F5: variants seen among roughly 807,000 people sequenced by gnomAD.
The protein encoded by F5 is coagulation factor V, also known as activated protein c cofactor.
Under a neutral mutation model 216.4 loss-of-function variants are expected in F5, and 138 were observed. The observed-to-expected ratio is 0.64, with a 90% CI of 0.56 to 0.73. F5 has a LOEUF of 0.73. Ranked by LOEUF, F5 falls within the 30% of genes least tolerant of loss-of-function variation. The pLI, the probability that F5 is intolerant of heterozygous loss-of-function variation, is 0.00. For missense variants in F5, 2,403 were observed against 2,674.0 expected (o/e 0.90, Z 2.24); for synonymous variants, 916 against 930.7 (o/e 0.98, Z 0.29).
Position 169,524,841 on chromosome 1 carries a change from A to G in F5, c.5784T>C (p.Phe1928=). 6.2e-7 allele frequency: 1 copy of G among 1,613,638 alleles called. No individual in the cohort carries two copies. Among genetic ancestry groups the G allele is most frequent in the Non-Finnish European group, 8.5e-7 (1 of 1,179,598 alleles). Residue 1928 remains phenylalanine, a synonymous_variant, in exon 19 of 25, where the codon TTT becomes TTC. Transcript: ENST00000367797. ...GACCATGGTGCTACAACTTACCCAGAAACTCTGAAGCCTTGATCTGTGAAT... is the reference window on the plus strand; with the variant it reads ...GACCATGGTGCTACAACTTACCCAGGAACTCTGAAGCCTTGATCTGTGAAT... ...ISDSQIKASE[F]LGYWEPRLAR... is the part of the protein sequence containing the mutation.
chr1:169,575,187 CAG>C (rs1320185828), intron 2 of F5, among the ~76,000 whole-genome samples: 3 of 152,104 alleles, frequency 2.0e-5, no homozygotes, highest in Non-Finnish European at 4.4e-5. Flanking sequence ...GGTCCAAAGG[CAG>C]AGAGGAAAAG....
intron 5 of F5, among the ~76,000 whole-genome samples, chr1:169,557,330 G>A (rs1276279171): frequency 1.3e-5 from 2 of 152,194 alleles, no homozygotes; most frequent in East Asian, 3.9e-4. Flanking sequence ...ATAGGGCTGA[G>A]TTCAAGCACT....
chr1:169,555,526 G>T (rs1238231568), intron 6 of F5, among the ~76,000 whole-genome samples, 179 bp from the exon 7 acceptor site: 3 of 150,914 alleles, frequency 2.0e-5, no homozygotes, highest in African/African-American at 7.4e-5. Context: ...TCCAGAAAAG[G>T]CAAGAATTTT....
At chr1:169,556,618 A>C (rs773186384) in intron 6 of F5, 28 bp downstream of exon 6, 1 of 1,608,324 alleles carries the variant, frequency 6.2e-7, no homozygotes, top group Non-Finnish European at 8.5e-7. Flanking sequence ...CTGCATTGAG[A>C]AGCAAGACTG....
At chr1:169,571,751 G>A (rs922389488) in intron 3 of F5, among the ~76,000 whole-genome samples, 8 of 152,122 alleles carry the variant, frequency 5.3e-5, no homozygotes, top group Admixed American at 3.9e-4. Flanking sequence ...AAGTTAATTA[G>A]TTCTGGCATC....
intron 17 of F5, 136 bp downstream of exon 17, chr1:169,527,779 G>T: frequency 2.7e-6 from 3 of 1,117,856 alleles, no homozygotes; most frequent in Non-Finnish European, 3.9e-6. Context: ...CTATGGGTTT[G>T]CCTAGGCTCT....
intron 1 of F5, among the ~76,000 whole-genome samples, chr1:169,584,377 C>T (rs1296170329): frequency 6.6e-6 from 1 of 152,156 alleles, no homozygotes; most frequent in African/African-American, 2.4e-5. Context: ...TTCATAATCA[C>T]AAAATCATAT....
At chr1:169,570,053 C>A (rs550157421) in intron 3 of F5, among the ~76,000 whole-genome samples, 1 of 152,120 alleles carries the variant, frequency 6.6e-6, no homozygotes, top group East Asian at 1.9e-4. Context: ...AGGTTTGCAT[C>A]TCATTTCCAA....
At chr1:169,524,231 T>G (rs1010882770) in intron 19 of F5, among the ~76,000 whole-genome samples, 23 of 152,232 alleles carry the variant, frequency 1.5e-4, no homozygotes, top group African/African-American at 5.3e-4. Flanking sequence ...CATCATCCTC[T>G]TGATCATGAC....
intron 14 of F5, among the ~76,000 whole-genome samples, chr1:169,533,407 A>C (rs1659633173): frequency 2.0e-5 from 3 of 152,254 alleles, no homozygotes; most frequent in Admixed American, 2.0e-4. Context: ...AAAAATTGAC[A>C]AATTAAACTA....
chr1:169,575,222 A>C (rs1044414505), intron 2 of F5, among the ~76,000 whole-genome samples: 4 of 152,170 alleles, frequency 2.6e-5, no homozygotes, highest in Middle Eastern at 3.2e-3. Flanking sequence ...ACATTCTAAA[A>C]AGTTAGAGTA....
intron 1 of F5, among the ~76,000 whole-genome samples, chr1:169,583,608 T>C (rs1430590871): frequency 6.6e-6 from 1 of 152,252 alleles, no homozygotes; most frequent in African/African-American, 2.4e-5. Flanking sequence ...TAAGTTGATA[T>C]GTGCAAAAGG....
At chr1:169,534,494 C>T (rs1015243920) in intron 14 of F5, among the ~76,000 whole-genome samples, 1 of 151,966 alleles carries the variant, frequency 6.6e-6, no homozygotes, top group Admixed American at 6.6e-5. Context: ...ATGGTAAAAC[C>T]CTGTCTCTAC....
chr1:169,536,080 A>T (rs1026909214), intron 14 of F5, among the ~76,000 whole-genome samples: 1 of 152,036 alleles, frequency 6.6e-6, no homozygotes, highest in Admixed American at 6.6e-5. Flanking sequence ...TACTTTCCTT[A>T]CTCATTTTAT....
chr1:169,575,302 A>G (rs1660818258), intron 2 of F5, among the ~76,000 whole-genome samples: 1 of 152,146 alleles, frequency 6.6e-6, no homozygotes, highest in Admixed American at 6.6e-5. Flanking sequence ...TCCAGTGGGG[A>G]GGTGGAGCTT....
intron 7 of F5, among the ~76,000 whole-genome samples, chr1:169,553,605 T>C (rs113807710): frequency 0.012 from 1,834 of 152,256 alleles, 57 homozygotes; most frequent in African/African-American, 0.042. Context: ...CCCTGTAGTC[T>C]CAGCTACTCG....
At chr1:169,552,484 TAAA>T in intron 8 of F5, 70 bp downstream of exon 8, 1 of 1,281,054 alleles carries the variant, frequency 7.8e-7, no homozygotes, top group Non-Finnish European at 1.1e-6. Context: ...CTTTTAAAAT[TAAA>T]AAATAACCAG....
chr1:169,572,394 A>G (rs751854174), intron 2 of F5, 51 bp from the exon 3 acceptor site: 16 of 1,607,270 alleles, frequency 1.0e-5, no homozygotes, highest in Non-Finnish European at 1.2e-5. Context: ...CATCAAAGGC[A>G]GAGTTGCTAA....
chr1:169,544,644 G>A (rs1035433901), intron 11 of F5, 136 bp from the exon 12 acceptor site: 3 of 742,934 alleles, frequency 4.0e-6, no homozygotes, highest in Admixed American at 4.2e-5. Flanking sequence ...GCTTTATCTA[G>A]TCTAACATGT....
Sources: gnomAD v4.1 joint callset for allele counts (sites outside exome capture counted in the v4.1 genomes callset) on GRCh38, gnomAD v4.1.1 for gene constraint, MANE v1.5 for transcripts, NCBI Gene and HGNC (gene_info 2026-07-23, HGNC 2026-07-21) for gene names.